Variants in RSRC1 observed in about 807,000 individuals in gnomAD.
RSRC1 encodes the protein serine/Arginine-related protein 53.
In RSRC1, 39 loss-of-function variants were observed where a neutral mutation model predicts 49.1. The observed-to-expected ratio is 0.79, with a 90% confidence interval of 0.61 to 1.04. RSRC1 has a LOEUF of 1.04. Among genes scored for constraint, RSRC1 ranks in the 50% least tolerant of loss-of-function variants. The pLI is 0.00. For synonymous variants in RSRC1, 143 were observed against 130.8 expected, an observed-to-expected ratio of 1.09 and a Z score of -0.63; for missense variants, 388 against 402.4, an observed-to-expected ratio of 0.96 and a Z score of 0.31.
chr3:158,338,137 T>G (rs1413258854), intron 5 of RSRC1, among the ~76,000 whole-genome samples: 2 of 152,156 alleles, frequency 1.3e-5, no homozygotes, highest in African/African-American at 4.8e-5. Flanking sequence ...TTTAACATCC[T>G]CATCTATGAA....
At chr3:158,294,761 C>T (rs893143284) in intron 4 of RSRC1, among the ~76,000 whole-genome samples, 2 of 152,174 alleles carry the variant, frequency 1.3e-5, no homozygotes, top group African/African-American at 4.8e-5. Flanking sequence ...CATGCACATA[C>T]AGGCACCTGT....
At chr3:158,307,528 G>A (rs1727902164) in intron 5 of RSRC1, among the ~76,000 whole-genome samples, 1 of 151,854 alleles carries the variant, frequency 6.6e-6, no homozygotes, top group Non-Finnish European at 1.5e-5. Flanking sequence ...ACTTTTGGGT[G>A]TGGGACCGTA....
intron 3 of RSRC1, among the ~76,000 whole-genome samples, chr3:158,125,863 T>G (rs1285519629): frequency 6.6e-6 from 1 of 152,206 alleles, no homozygotes; most frequent in African/African-American, 2.4e-5. Context: ...TGGCAATGTT[T>G]ACTTTATATA....
intron 5 of RSRC1, among the ~76,000 whole-genome samples, chr3:158,340,126 G>T (rs1460924187): frequency 1.3e-5 from 2 of 152,132 alleles, no homozygotes; most frequent in Non-Finnish European, 2.9e-5. Context: ...AGGGATCCAG[G>T]GGGAGGTAAT....
At chr3:158,484,401 A>G (rs751755896) in intron 7 of RSRC1, among the ~76,000 whole-genome samples, 1 of 152,166 alleles carries the variant, frequency 6.6e-6, no homozygotes, top group Non-Finnish European at 1.5e-5. Flanking sequence ...GTTATGGGTT[A>G]TTAAGGGAAT....
intron 6 of RSRC1, among the ~76,000 whole-genome samples, chr3:158,371,839 G>T (rs1160324151): frequency 6.6e-6 from 1 of 151,836 alleles, no homozygotes; most frequent in African/African-American, 2.4e-5. Flanking sequence ...AAGAAATCCA[G>T]TTGTTCCACA....
intron 4 of RSRC1, among the ~76,000 whole-genome samples, chr3:158,247,516 T>A (rs1357702177): frequency 6.6e-6 from 1 of 152,198 alleles, no homozygotes; most frequent in Non-Finnish European, 1.5e-5. Flanking sequence ...GTTTTGCTCT[T>A]CTTTGTGGGC....
Position 158,477,456 on chromosome 3 carries a change from C to T in RSRC1, c.652+16453C>T, listed in dbSNP as rs1337694945. 3.3e-5 allele frequency among the ~76,000 whole-genome samples: 5 copies of T among 152,176 alleles called. No homozygotes were observed. In the East Asian group the frequency reaches 9.7e-4, roughly 29 times the overall value. On this transcript the variant is annotated intron_variant, in intron 7 of 9. Coordinates refer to ENST00000611884, the MANE Select transcript of RSRC1 (RefSeq NM_001271838.2). ...CTTGATCAGTGAGCAGCCATCACCA[C>T]TGAGGCAAGACCCTCCACCAGCAAA...
intron 4 of RSRC1, among the ~76,000 whole-genome samples, chr3:158,286,488 G>A (rs1371836584): frequency 2.6e-5 from 4 of 152,206 alleles, no homozygotes; most frequent in Non-Finnish European, 5.9e-5. Flanking sequence ...GAATCTCTGA[G>A]AAGGTCAGTT....
intron 7 of RSRC1, 50 bp downstream of exon 7, chr3:158,461,053 T>C (rs777448761): frequency 7.2e-7 from 1 of 1,380,636 alleles, no homozygotes; most frequent in Non-Finnish European, 1.0e-6. Flanking sequence ...TTGGCTGTAT[T>C]TCCTGAATAG....
intron 5 of RSRC1, among the ~76,000 whole-genome samples, chr3:158,326,173 A>C (rs1729124112): frequency 6.6e-6 from 1 of 152,178 alleles, no homozygotes; most frequent in African/African-American, 2.4e-5. Context: ...TGTCATCTGC[A>C]AACAGGGACA....
intron 4 of RSRC1, among the ~76,000 whole-genome samples, chr3:158,243,117 T>C (rs1047263805): frequency 5.3e-5 from 8 of 152,186 alleles, no homozygotes; most frequent in African/African-American, 1.9e-4. Flanking sequence ...TCATGAAATC[T>C]TTGCCCATGC....
At chr3:158,455,372 G>A (rs551000828) in intron 6 of RSRC1, among the ~76,000 whole-genome samples, 6 of 151,978 alleles carry the variant, frequency 3.9e-5, no homozygotes, top group South Asian at 2.1e-4. Flanking sequence ...GGCATGAGTC[G>A]GACACCCTGT....
At chr3:158,158,230 G>C (rs1436870142) in intron 3 of RSRC1, among the ~76,000 whole-genome samples, 1 of 152,038 alleles carries the variant, frequency 6.6e-6, no homozygotes, top group South Asian at 2.1e-4. Flanking sequence ...GAACAACATG[G>C]GTTTGAGCTA....
intron 1 of RSRC1, among the ~76,000 whole-genome samples, chr3:158,111,920 GACC>G (rs1349503867): frequency 6.6e-6 from 1 of 152,174 alleles, no homozygotes; most frequent in Non-Finnish European, 1.5e-5. Flanking sequence ...TTTCTTGAAT[GACC>G]ACATGTTGGC....
chr3:158,212,383 T>C (rs931196042), intron 4 of RSRC1, among the ~76,000 whole-genome samples: 2 of 151,866 alleles, frequency 1.3e-5, no homozygotes, highest in African/African-American at 2.4e-5. Context: ...AAAAAAATCC[T>C]ATGTAACTTT....
At chr3:158,164,396 T>G (rs1039203777) in intron 3 of RSRC1, among the ~76,000 whole-genome samples, 16 of 152,082 alleles carry the variant, frequency 1.1e-4, no homozygotes, top group African/African-American at 3.6e-4. Context: ...AAATTAAATT[T>G]GATTTTTTAA....
chr3:158,447,009 C>A (rs892031667), intron 6 of RSRC1, among the ~76,000 whole-genome samples: 2 of 151,982 alleles, frequency 1.3e-5, no homozygotes, highest in Admixed American at 1.3e-4. Context: ...TTGCTGTATT[C>A]TTTAACTAGT....
chr3:158,268,307 GGC>G (rs1301928335), intron 4 of RSRC1, among the ~76,000 whole-genome samples: 1 of 152,034 alleles, frequency 6.6e-6, no homozygotes, highest in Non-Finnish European at 1.5e-5. Context: ...TCTAATCTCT[GGC>G]TACTTTTTGC....
Sources: allele counts gnomAD v4.1 joint callset (sites outside exome capture counted in the v4.1 genomes callset), GRCh38; gene constraint gnomAD v4.1.1; transcripts MANE v1.5; gene names NCBI Gene and HGNC (gene_info 2026-07-23, HGNC 2026-07-21).